RFTN2: variants seen among roughly 807,000 people sequenced by gnomAD.
The protein encoded by RFTN2 is raftlin-2.
RFTN2 carries 34 observed loss-of-function variants against 52.7 expected under a neutral mutation model. The ratio of observed to expected loss-of-function variants is 0.64; its 90% CI spans 0.49 to 0.86. RFTN2 has a LOEUF of 0.86. RFTN2 is among the 40% of genes least tolerant of loss of function. RFTN2 has a pLI of 0.00. For synonymous variants in RFTN2, 203 were observed against 217.7 expected (o/e 0.93, Z 0.59); for missense variants, 536 against 600.1 (o/e 0.89, Z 1.12).
At chr2:197,658,214 C>T (rs1474214834) in intron 1 of RFTN2, among the ~76,000 whole-genome samples, 1 of 148,810 alleles carries the variant, frequency 6.7e-6, no homozygotes, top group East Asian at 2.0e-4. Context: ...AATGAGTATC[C>T]TTTAAGGACT....
chr2:197,585,366 C>T (rs1236818421), intron 8 of RFTN2, among the ~76,000 whole-genome samples: 1 of 152,150 alleles, frequency 6.6e-6, no homozygotes, highest in Non-Finnish European at 1.5e-5. Flanking sequence ...CTTGTTTACA[C>T]TGGTGGTTTA....
At chr2:197,573,939 T>C (rs564029739) in intron 8 of RFTN2, among the ~76,000 whole-genome samples, 1 of 152,188 alleles carries the variant, frequency 6.6e-6, no homozygotes, top group Non-Finnish European at 1.5e-5. Flanking sequence ...GGAAATGGGG[T>C]TTGGGAACCT....
At chr2:197,644,019 G>A (rs912712755) in intron 3 of RFTN2, 139 bp downstream of exon 3, 7 of 635,904 alleles carry the variant, frequency 1.1e-5, no homozygotes, top group Non-Finnish European at 2.0e-5. Flanking sequence ...TTTGGCACAA[G>A]TACTTCGATA....
intron 5 of RFTN2, among the ~76,000 whole-genome samples, chr2:197,629,787 A>G (rs760345233): frequency 5.7e-4 from 86 of 151,298 alleles, no homozygotes; most frequent in Non-Finnish European, 9.1e-4. Context: ...TTGTGGTGCA[A>G]TCATGGCTCA....
chr2:197,610,092 A>G (rs2088031073), intron 7 of RFTN2, among the ~76,000 whole-genome samples: 1 of 152,106 alleles, frequency 6.6e-6, no homozygotes, highest in South Asian at 2.1e-4. Context: ...TTTTCTTGGC[A>G]ATGTGGGCTC....
At chr2:197,615,424 A>T (rs1422394566) in intron 7 of RFTN2, among the ~76,000 whole-genome samples, 1 of 152,238 alleles carries the variant, frequency 6.6e-6, no homozygotes, top group Non-Finnish European at 1.5e-5. Flanking sequence ...GTAAGATTCA[A>T]TTTTTCCTTT....
intron 1 of RFTN2, among the ~76,000 whole-genome samples, chr2:197,663,311 T>C (rs1014970433): frequency 1.3e-5 from 2 of 152,202 alleles, no homozygotes; most frequent in African/African-American, 4.8e-5. Flanking sequence ...TCTTTTTTTG[T>C]TGTGTTGGCC....
chr2:197,646,571 T>C lies in RFTN2; in HGVS notation c.235A>G (p.Ile79Val). 6.2e-7 allele frequency: 1 copy of C among 1,613,456 alleles called. No homozygotes were observed. The highest frequency in any genetic ancestry group is 1.3e-5 in the African/African-American group (1 of 75,044). Residue 79 changes from isoleucine (I) to valine (V), a missense_variant, in exon 2 of 9, where the codon ATT (isoleucine) becomes GTT (valine). Transcript: ENST00000295049. ...YYLKGYIVGA[I>V]HPVIQPVGQR... ...CCCACAGGTTGTATAACAGGATGAA[T>C]AGCCCCGACAATATATCCTTTAAGA...
intron 1 of RFTN2, among the ~76,000 whole-genome samples, chr2:197,652,323 G>C (rs1341481531): frequency 6.6e-6 from 1 of 152,164 alleles, no homozygotes; most frequent in East Asian, 1.9e-4. Context: ...AGCAGAATGG[G>C]TGTCAGCTAC....
rs1397558499 is a variant in RFTN2, at chr2:197,644,286, A to G, written c.324-14T>C. 1 of 1,464,136 alleles carries G rather than the reference A, an allele frequency of 6.8e-7. No individual in the cohort carries two copies. The highest frequency in any genetic ancestry group is 2.3e-5 in the East Asian group (1 of 44,252). The allele number at this position is 1,464,136 out of a possible 1,614,324, so 90.7% of individuals were successfully genotyped here. On this transcript the variant is annotated splice_polypyrimidine_tract_variant and intron_variant, in intron 2 of 8. Coordinates refer to ENST00000295049, the MANE Select transcript of RFTN2 (RefSeq NM_144629.3). Reference sequence around the variant, plus strand: ...GAATTCTTTGGGCTGTAACAGAGGGAATATGTTTATGGTTGGAGGCCAATT... The same window carrying G: ...GAATTCTTTGGGCTGTAACAGAGGGGATATGTTTATGGTTGGAGGCCAATT...
intron 1 of RFTN2, among the ~76,000 whole-genome samples, chr2:197,649,517 A>G (rs1379719137): frequency 1.3e-5 from 2 of 152,208 alleles, no homozygotes; most frequent in African/African-American, 4.8e-5. Context: ...TTTTATTCAG[A>G]AAAGTTCACA....
In RFTN2 at chr2:197,571,245, T is replaced by C. The variant is rs984312747; in HGVS notation, c.*763A>G. On this transcript the variant is annotated 3_prime_UTR_variant, in exon 9 of 9. Transcript: ENST00000295049. ...TCTTCATAGTATTTGGACTTTAAAA[T>C]AAAAAAAAATTAAATCTTACTCTCT... is the stretch of plus-strand genomic sequence containing the variant. The C allele has an allele frequency of 1.3e-5, 2 of 151,546 alleles. No homozygotes were observed. The highest frequency in any genetic ancestry group is 2.4e-5 in the African/African-American group (1 of 41,294). 9.4% of individuals were successfully genotyped at this position (151,546 alleles called of 1,614,324 possible).
At chr2:197,627,212 T>C (rs910784220) in intron 5 of RFTN2, among the ~76,000 whole-genome samples, 1 of 152,214 alleles carries the variant, frequency 6.6e-6, no homozygotes, top group Non-Finnish European at 1.5e-5. Flanking sequence ...GGCCTACCTC[T>C]GGTTCTCACA....
intron 1 of RFTN2, among the ~76,000 whole-genome samples, chr2:197,673,674 C>G (rs2089176785): frequency 6.6e-6 from 1 of 152,188 alleles, no homozygotes; most frequent in Non-Finnish European, 1.5e-5. Context: ...GAGAGAAGGG[C>G]TTCTGAGAAT....
At chr2:197,664,489 A>G (rs146462996) in intron 1 of RFTN2, among the ~76,000 whole-genome samples, 1 of 137,088 alleles carries the variant, frequency 7.3e-6, no homozygotes, top group Non-Finnish European at 1.6e-5. Context: ...AAAAAAAAAA[A>G]GTTGGCTAGG....
chr2:197,662,472 T>G (rs1223957651), intron 1 of RFTN2, among the ~76,000 whole-genome samples: 3 of 152,240 alleles, frequency 2.0e-5, no homozygotes, highest in African/African-American at 7.2e-5. Context: ...GTTCCATTGG[T>G]CTATACCAAT....
rs1176616844 is a variant in RFTN2, at chr2:197,571,868, G to C, written c.*140C>G. 7.6e-6 allele frequency: 6 copies of C among 788,570 alleles called. No homozygotes were observed. The East Asian group carries it at 1.6e-4, about 21-fold the overall frequency. The allele number at this position is 788,570 out of a possible 1,614,324, so 48.8% of individuals were successfully genotyped here. A position where few individuals can be genotyped will look rare whatever the true frequency, so the allele number is the denominator to read the frequency against. ...TCCTTGTCTGGGAGGTTGTGCCAAA[G>C]TTTACATAGATTAGAGGAAAGGCTG... On this transcript the variant is annotated 3_prime_UTR_variant, in exon 9 of 9. Coordinates refer to ENST00000295049, the MANE Select transcript of RFTN2 (RefSeq NM_144629.3).
At chr2:197,629,679 C>CACAT (rs1485082487) in intron 5 of RFTN2, among the ~76,000 whole-genome samples, 1 of 146,812 alleles carries the variant, frequency 6.8e-6, no homozygotes, top group African/African-American at 2.5e-5. Flanking sequence ...TTTTTATACA[C>CACAT]ACACACACAC....
chr2:197,656,437 A>C (rs936353485), intron 1 of RFTN2, among the ~76,000 whole-genome samples: 9 of 152,202 alleles, frequency 5.9e-5, no homozygotes, highest in African/African-American at 2.2e-4. Flanking sequence ...CCTTTCTGAA[A>C]CAAGAATAAA....
Sources: allele counts gnomAD v4.1 joint callset (sites outside exome capture counted in the v4.1 genomes callset), GRCh38; gene constraint gnomAD v4.1.1; transcripts MANE v1.5; gene names NCBI Gene and HGNC (gene_info 2026-07-23, HGNC 2026-07-21).